CCDC15: variants seen among roughly 807,000 people sequenced by gnomAD.
The protein encoded by CCDC15 is coiled-coil domain-containing protein 15.
In CCDC15, 105 loss-of-function variants were observed where a neutral mutation model predicts 114.5. That is an observed-to-expected ratio of 0.92 (90% CI 0.78 to 1.08). CCDC15 has a LOEUF of 1.08. Ranked by LOEUF, CCDC15 falls within the 50% of genes least tolerant of loss-of-function variation. The probability of loss-of-function intolerance (pLI) is 0.00; values close to 1 mark genes in which losing one functional copy is unlikely to be tolerated. For synonymous variants in CCDC15, 334 were observed against 377.8 expected, an observed-to-expected ratio of 0.88 and a Z score of 1.34; for missense variants, 1,105 against 1,093.6, an observed-to-expected ratio of 1.01 and a Z score of -0.15.
intron 13 of CCDC15, among the ~76,000 whole-genome samples, chr11:125,018,033 A>G (rs1948639758): frequency 6.6e-6 from 1 of 152,090 alleles, no homozygotes; most frequent in African/African-American, 2.4e-5. Flanking sequence ...TTGAAGAAAG[A>G]AAATTAATTT....
At chr11:124,986,634 C>T (rs1948160361) in intron 6 of CCDC15, 108 bp from the exon 7 acceptor site, 2 of 1,214,434 alleles carry the variant, frequency 1.6e-6, no homozygotes, top group Admixed American at 6.3e-5. Flanking sequence ...TTATTGCAAT[C>T]ACATTGTTTC....
At chr11:124,975,769 T>C (rs1323762225) in intron 5 of CCDC15, among the ~76,000 whole-genome samples, 4 of 152,196 alleles carry the variant, frequency 2.6e-5, no homozygotes, top group African/African-American at 9.6e-5. Flanking sequence ...TGATTATTTC[T>C]GGGTAGTAGT....
chr11:124,991,291 T>G (rs1367236701), intron 8 of CCDC15, among the ~76,000 whole-genome samples, 170 bp from the exon 9 acceptor site: 1 of 152,234 alleles, frequency 6.6e-6, no homozygotes, highest in Non-Finnish European at 1.5e-5. Flanking sequence ...AAGGTTGTTC[T>G]CAGCTAAACT....
chr11:124,976,515 T>G (rs948252083), intron 5 of CCDC15, among the ~76,000 whole-genome samples: 1 of 152,140 alleles, frequency 6.6e-6, no homozygotes, highest in African/African-American at 2.4e-5. Context: ...AGATGTTGGT[T>G]TCTTGACAGT....
At chr11:125,011,143 T>C (rs1022170404) in intron 13 of CCDC15, among the ~76,000 whole-genome samples, 33 of 152,048 alleles carry the variant, frequency 2.2e-4, no homozygotes, top group African/African-American at 7.9e-4. Flanking sequence ...AACCTTTTAA[T>C]TAGTAATCCA....
chr11:124,986,696 T>TGC (rs1384776898), intron 6 of CCDC15, 46 bp from the exon 7 acceptor site: 1 of 1,441,064 alleles, frequency 6.9e-7, no homozygotes, highest in African/African-American at 1.6e-5. Flanking sequence ...TGTGTTTGTG[T>TGC]GTGTGCGCGC....
chr11:124,987,924 C>A lies in CCDC15; in HGVS notation c.1698C>A (p.Asp566Glu). Reference protein sequence around the residue: ...KCQDQDFLPRDQGVLPKDQNI... With the variant: ...KCQDQDFLPREQGVLPKDQNI... ...AGGACCAGGATTTTCTACCCAGAGA[C>A]CAAGGTGTTCTTCCCAAAGACCAAA... The change falls in exon 8 of 16, where the codon GAC becomes GAA. Residue 566 changes from aspartate to glutamate, a missense_variant. Physicochemically the swap from Asp to Glu is conservative, Grantham distance 45. Coordinates refer to ENST00000344762, the MANE Select transcript of CCDC15 (RefSeq NM_025004.3). 1 of 1,613,898 alleles carries A rather than the reference C, an allele frequency of 6.2e-7. No homozygotes were observed. The highest frequency in any genetic ancestry group is 2.2e-5 in the East Asian group (1 of 44,872).
Position 124,959,268 on chromosome 11 carries a change from A to C in CCDC15, c.327+4A>C, listed in dbSNP as rs1242927061. 1 of 1,565,698 alleles carries C rather than the reference A, an allele frequency of 6.4e-7. No homozygotes were observed. The highest frequency in any genetic ancestry group is 2.3e-5 in the East Asian group (1 of 43,936). On this transcript the variant is annotated splice_donor_region_variant and intron_variant, in intron 3 of 15. Transcript: ENST00000344762. ...GCTTCAGAAGTCTTATGAAAGAGTAAGTTCAAAAGTGAGCCTGAGTAAAGA... is the reference window on the plus strand; with the variant it reads ...GCTTCAGAAGTCTTATGAAAGAGTACGTTCAAAAGTGAGCCTGAGTAAAGA...
At chr11:125,011,141 A>G (rs983397238) in intron 13 of CCDC15, among the ~76,000 whole-genome samples, 6 of 151,878 alleles carry the variant, frequency 4.0e-5, no homozygotes, top group Non-Finnish European at 7.4e-5. Flanking sequence ...TAAACCTTTT[A>G]ATTAGTAATC....
intron 13 of CCDC15, among the ~76,000 whole-genome samples, chr11:125,017,912 C>T (rs1451339294): frequency 6.6e-6 from 1 of 152,018 alleles, no homozygotes; most frequent in Non-Finnish European, 1.5e-5. Flanking sequence ...TATTTTTTTA[C>T]AGCTGTACAA....
chr11:124,961,062 C>T (rs1947650163), intron 4 of CCDC15, among the ~76,000 whole-genome samples: 1 of 152,174 alleles, frequency 6.6e-6, no homozygotes. Context: ...TCTTTCTTGT[C>T]ATTGTTCAGT....
chr11:125,006,896 T>C (rs1444615996), intron 13 of CCDC15, among the ~76,000 whole-genome samples: 2 of 152,218 alleles, frequency 1.3e-5, no homozygotes, highest in Non-Finnish European at 2.9e-5. Flanking sequence ...TGTCTATTCT[T>C]TTGCCATACC....
Position 124,988,126 on chromosome 11 carries a change from A to G in CCDC15, c.1900A>G (p.Lys634Glu). The G allele has an allele frequency of 1.2e-6, 2 of 1,610,754 alleles. No individual in the cohort carries two copies. Among genetic ancestry groups the G allele is most frequent in the Non-Finnish European group, 1.7e-6 (2 of 1,178,740 alleles). Reference protein sequence around the residue: ...PKCQDQDFLPKYQKVHFKEPY... With the variant: ...PKCQDQDFLPEYQKVHFKEPY... ...ATGTCAGGACCAAGATTTTCTACCAAAATATCAGGTAAAATAGAGCAGAAA... is the reference window on the plus strand; with the variant it reads ...ATGTCAGGACCAAGATTTTCTACCAGAATATCAGGTAAAATAGAGCAGAAA... The change falls in exon 8 of 16, where the codon AAA (lysine) becomes GAA (glutamate). Residue 634 changes from lysine to glutamate, a missense_variant. Transcript: ENST00000344762.
Position 124,991,480 on chromosome 11 carries a change from C to A in CCDC15, c.1928C>A (p.Pro643Gln). 1 of 1,587,204 alleles carries A rather than the reference C, an allele frequency of 6.3e-7. No individual in the cohort carries two copies. Among genetic ancestry groups the A allele is most frequent in the Non-Finnish European group, 8.6e-7 (1 of 1,158,990 alleles). The change falls in exon 9 of 16, where the codon CCA (proline) becomes CAA (glutamine). Residue 643 changes from proline (P) to glutamine (Q), a missense_variant. Physicochemically the swap from Pro to Gln is moderately conservative, Grantham distance 76 (BLOSUM62 -1). Transcript: ENST00000344762. ...PKYQKVHFKE[P>Q]YSDMTDEKGR... The stretch of plus-strand genomic sequence containing the variant: ...TTTTAGAAAGTACACTTTAAGGAGC[C>A]ATACTCTGATATGACAGATGAGAAA...
intron 13 of CCDC15, among the ~76,000 whole-genome samples, chr11:125,018,105 T>G (rs1044154516): frequency 2.0e-5 from 3 of 152,154 alleles, no homozygotes; most frequent in Admixed American, 2.0e-4. Context: ...CATAATGACC[T>G]AGACCTTCAC....
chr11:125,032,363 A>C (rs1191143059), intron 13 of CCDC15, among the ~76,000 whole-genome samples: 3 of 152,238 alleles, frequency 2.0e-5, no homozygotes, highest in African/African-American at 7.2e-5. Flanking sequence ...GTCAGTGGCC[A>C]CATACCAGGT....
chr11:125,001,942 A>G (rs898414417), intron 11 of CCDC15, among the ~76,000 whole-genome samples: 1 of 152,060 alleles, frequency 6.6e-6, no homozygotes, highest in African/African-American at 2.4e-5. Context: ...GGTGGAACGT[A>G]TGATAACTGT....
chr11:125,032,194 G>A (rs995772588), intron 13 of CCDC15, among the ~76,000 whole-genome samples: 3 of 152,252 alleles, frequency 2.0e-5, no homozygotes, highest in African/African-American at 7.2e-5. Context: ...GAAGTGGAAA[G>A]TGATCAAGGT....
chr11:124,984,573 A>G (rs1948126600), intron 6 of CCDC15, among the ~76,000 whole-genome samples: 1 of 152,044 alleles, frequency 6.6e-6, no homozygotes. Context: ...TCCTTTACCA[A>G]ACCCTCTAGG....
Sources: gnomAD v4.1 joint callset for allele counts (sites outside exome capture counted in the v4.1 genomes callset) on GRCh38, gnomAD v4.1.1 for gene constraint, MANE v1.5 for transcripts, NCBI Gene and HGNC (gene_info 2026-07-23, HGNC 2026-07-21) for gene names.